Variants in ZNF540 observed in about 807,000 individuals in gnomAD.
ZNF540 encodes the protein zinc finger protein 540, also known as CTD-3064H18.6.
In ZNF540, 3 loss-of-function variants were observed where a neutral mutation model predicts 11.8. The ratio of observed to expected loss-of-function variants is 0.25; its 90% CI spans 0.12 to 0.65. The LOEUF (loss-of-function observed/expected upper bound fraction) is 0.65. Among genes scored for constraint, ZNF540 ranks in the 30% least tolerant of loss-of-function variants. ZNF540 has a pLI of 0.83. For synonymous variants in ZNF540, 247 were observed against 259.0 expected (o/e 0.95, Z 0.45); for missense variants, 709 against 793.1 (o/e 0.89, Z 1.27).
At position 37,599,859 on chromosome 19, in the gene ZNF540, T is replaced by G. The variant is rs993888325; in HGVS notation, c.136+107T>G. ...TAAGAAACTAGCTGAATTTCTTCTC[T>G]CTTCCTCAAGGAATGGACTGAACTT... On this transcript the variant is annotated intron_variant, in intron 3 of 4. Transcript: ENST00000316433. 15 of 1,259,034 alleles carry G rather than the reference T, an allele frequency of 1.2e-5. No individual in the cohort carries two copies. In the African/African-American group the frequency reaches 1.4e-4, roughly 11 times the overall value. The allele number at this position is 1,259,034 out of a possible 1,614,324, so 78.0% of individuals were successfully genotyped here. A position where few individuals can be genotyped will look rare whatever the true frequency, so the allele number is the denominator to read the frequency against.
In ZNF540 at chr19:37,612,926, A is replaced by G; in HGVS notation, c.1646A>G (p.Lys549Arg). 1 of 1,614,156 alleles carries G rather than the reference A, an allele frequency of 6.2e-7. No individual in the cohort carries two copies. Among genetic ancestry groups the G allele is most frequent in the Non-Finnish European group, 8.5e-7 (1 of 1,179,992 alleles). Residue 549 changes from lysine (K) to arginine (R), a missense_variant, in exon 5 of 5, where the codon AAA becomes AGA. Transcript: ENST00000316433. Reference sequence around the variant, plus strand: ...CATCTGAAAATTCATTCTGGTTTAAAACCCTATGACTGTAAAGAATGTGGG... The same window carrying G: ...CATCTGAAAATTCATTCTGGTTTAAGACCCTATGACTGTAAAGAATGTGGG... ...KEHLKIHSGL[K>R]PYDCKECGKS...
At chr19:37,576,001 G>A (rs1453345948) in intron 1 of ZNF540, among the ~76,000 whole-genome samples, 1 of 151,454 alleles carries the variant, frequency 6.6e-6, no homozygotes, top group Non-Finnish European at 1.5e-5. Flanking sequence ...TTCAAAACAG[G>A]AAATCTTGTA....
intron 1 of ZNF540, among the ~76,000 whole-genome samples, chr19:37,588,624 G>C (rs2043765493): frequency 6.6e-6 from 1 of 152,062 alleles, no homozygotes; most frequent in Admixed American, 6.6e-5. Flanking sequence ...TCACTACCTG[G>C]GTGACTGGAT....
intron 1 of ZNF540, among the ~76,000 whole-genome samples, chr19:37,552,294 A>G (rs2042613879): frequency 6.6e-6 from 1 of 152,212 alleles, no homozygotes; most frequent in South Asian, 2.1e-4. Context: ...GGCTCAGAAT[A>G]TAAACAAGCT....
At chr19:37,583,939 C>A in intron 1 of ZNF540, 1 of 1,558,324 alleles carries the variant, frequency 6.4e-7, no homozygotes. Context: ...TTATGGGGAA[C>A]AAATTCTGAA....
intron 1 of ZNF540, chr19:37,583,936 G>A (rs1159499514): frequency 1.9e-6 from 3 of 1,556,700 alleles, no homozygotes; most frequent in African/African-American, 1.4e-5. Flanking sequence ...AAATTATGGG[G>A]AACAAATTCT....
intron 1 of ZNF540, chr19:37,564,977 A>ACACAACTTACATATCATCAAAGAATT (rs2042796558): frequency 6.2e-7 from 1 of 1,613,744 alleles, no homozygotes; most frequent in African/African-American, 1.3e-5. Flanking sequence ...TGTAGCACGT[A>ACACAACTTACATATCATCAAAGAATT]CAAAGGTCTT....
chr19:37,602,479 C>T (rs565760388), intron 4 of ZNF540, among the ~76,000 whole-genome samples: 17 of 152,108 alleles, frequency 1.1e-4, no homozygotes, highest in Non-Finnish European at 1.5e-5. Context: ...TATGTGTTGT[C>T]TATGGCAGAG....
intron 1 of ZNF540, among the ~76,000 whole-genome samples, chr19:37,568,339 C>T (rs1412523586): frequency 7.0e-6 from 1 of 142,490 alleles, no homozygotes; most frequent in East Asian, 2.4e-4. Flanking sequence ...TTGCCATATA[C>T]ACACCACAGC....
At position 37,612,904 on chromosome 19, in the gene ZNF540, C is replaced by T; in HGVS notation, c.1624C>T (p.Leu542=). 6.2e-7 allele frequency: 1 copy of T among 1,614,082 alleles called. No homozygotes were observed. Among genetic ancestry groups the T allele is most frequent in the Non-Finnish European group, 8.5e-7 (1 of 1,179,998 alleles). The change falls in exon 5 of 5, where the codon CTG becomes TTG. Residue 542 remains leucine (L), a synonymous_variant. Transcript: ENST00000316433. ...TCGTAGAGGGAATCTTAAAGAACAT[C>T]TGAAAATTCATTCTGGTTTAAAACC... ...FIRRGNLKEH[L]KIHSGLKPYD... is the part of the protein sequence containing the mutation.
chr19:37,565,818 A>C (rs199648999), intron 1 of ZNF540: 9 of 1,613,762 alleles, frequency 5.6e-6, no homozygotes, highest in Non-Finnish European at 6.8e-6. Context: ...GTACGACCAA[A>C]GGCCTTTCCA....
chr19:37,568,260 T>C (rs1257134318), intron 1 of ZNF540, among the ~76,000 whole-genome samples: 3 of 151,776 alleles, frequency 2.0e-5, no homozygotes, highest in African/African-American at 7.3e-5. Flanking sequence ...CCTCCAAAAC[T>C]TGAGAAAACA....
At chr19:37,601,287 C>T (rs1051570943) in intron 4 of ZNF540, 182 bp downstream of exon 4, 8 of 464,756 alleles carry the variant, frequency 1.7e-5, no homozygotes, top group Admixed American at 3.9e-5. Flanking sequence ...ATCAAAAGAA[C>T]CTCATCTTGG....
chr19:37,599,366 C>T (rs527339395), intron 2 of ZNF540, among the ~76,000 whole-genome samples: 1 of 151,900 alleles, frequency 6.6e-6, no homozygotes, highest in African/African-American at 2.4e-5. Context: ...TTTATTTGTT[C>T]CCAGAAATGT....
intron 4 of ZNF540, among the ~76,000 whole-genome samples, chr19:37,610,111 G>C (rs1034329174): frequency 6.6e-6 from 1 of 152,184 alleles, no homozygotes; most frequent in Non-Finnish European, 1.5e-5. Flanking sequence ...AAGGAAGTAA[G>C]GTAGGAAAGA....
In ZNF540 at chr19:37,553,113, C is replaced by CTTTTTT. The variant is rs746114598; in HGVS notation, c.-73+1481_-73+1486dup. ...AATCTTTTTTTATATAACCTAACATCTTTTTTTTTTTTTTTTTTTTTTTTT... is the reference window on the plus strand; with the variant it reads ...AATCTTTTTTTATATAACCTAACATCTTTTTTTTTTTTTTTTTTTTTTTTTTTTTTT... On this transcript the variant is annotated intron_variant, in intron 1 of 4. Transcript: ENST00000592533. Among the ~76,000 whole-genome samples, 18 of 33,130 alleles carry CTTTTTT rather than the reference C, an allele frequency of 5.4e-4. 8 individuals carry two copies. The highest frequency in any genetic ancestry group is 1.5e-3 in the East Asian group (2 of 1,344). The allele number at this position is 33,130 out of a possible 152,430, so 21.7% of individuals were successfully genotyped here.
chr19:37,561,282 T>C (rs1342530224), intron 1 of ZNF540, among the ~76,000 whole-genome samples: 3 of 151,858 alleles, frequency 2.0e-5, no homozygotes, highest in East Asian at 1.9e-4. Context: ...AATGATGGAG[T>C]GTAGAGGATT....
At chr19:37,604,296 C>CTTTTATTTTTTTTTTTTTTTTTTTTTT (rs2044064411) in intron 4 of ZNF540, among the ~76,000 whole-genome samples, 1 of 75,268 alleles carries the variant, frequency 1.3e-5, no homozygotes, top group Non-Finnish European at 2.5e-5. Flanking sequence ...AATAGCCTTA[C>CTTTTATTTTTTTTTTTTTTTTTTTTTT]TTTTTTTTTT....
chr19:37,594,335 G>A (rs2043953374), upstream of ZNF540: 1 of 152,388 alleles, frequency 6.6e-6, no homozygotes. Flanking sequence ...AGCATTAACA[G>A]GCGGCAGGTG....
Sources: gnomAD v4.1 joint callset for allele counts (sites outside exome capture counted in the v4.1 genomes callset) on GRCh38, gnomAD v4.1.1 for gene constraint, MANE v1.5 for transcripts, NCBI Gene and HGNC (gene_info 2026-07-23, HGNC 2026-07-21) for gene names.